The following NCOA3 variants were observed in gnomAD, a reference collection of about 807,000 sequenced individuals.
NCOA3 encodes nuclear receptor coactivator 3, also known as CBP-interacting protein.
A neutral mutation model predicts 158.8 loss-of-function variants in NCOA3; 51 were observed. That is an observed-to-expected ratio of 0.32 (90% CI 0.26 to 0.41). The LOEUF is 0.41. Ranked by LOEUF, NCOA3 falls within the 10% of genes least tolerant of loss-of-function variation. The probability of loss-of-function intolerance (pLI) is 1.00; values close to 1 mark genes in which losing one functional copy is unlikely to be tolerated. For missense variants in NCOA3, 1,510 were observed against 1,746.6 expected (o/e 0.86, Z 2.41); for synonymous variants, 537 against 592.4 (o/e 0.91, Z 1.36).
intron 2 of NCOA3, among the ~76,000 whole-genome samples, chr20:47,601,385 A>G (rs1046110924): frequency 3.3e-5 from 5 of 152,258 alleles, no homozygotes; most frequent in Admixed American, 2.6e-4. Context: ...GATAAACTAT[A>G]TTCAAACCAT....
intron 20 of NCOA3, among the ~76,000 whole-genome samples, chr20:47,652,028 A>G (rs2086803461): frequency 6.6e-6 from 1 of 152,104 alleles, no homozygotes; most frequent in African/African-American, 2.4e-5. Context: ...GGTTCCAGGA[A>G]CATGGTGGGA....
intron 16 of NCOA3, among the ~76,000 whole-genome samples, chr20:47,641,487 C>CTTTTTTTTTTTTT (rs2086608113): frequency 9.8e-6 from 1 of 101,850 alleles, no homozygotes; most frequent in African/African-American, 4.1e-5. Flanking sequence ...GCCTGGCTCC[C>CTTTTTTTTTTTTT]TTCTTTTTTT....
chr20:47,590,424 A>G (rs894706520), intron 2 of NCOA3, among the ~76,000 whole-genome samples: 1 of 152,134 alleles, frequency 6.6e-6, no homozygotes, highest in Non-Finnish European at 1.5e-5. Flanking sequence ...GGACTCAAGC[A>G]GTCCTGCCTC....
Position 47,651,070 on chromosome 20 carries a change from TGCAGCAGCA to T in NCOA3, c.3753_3761del (p.Gln1274_Gln1276del), listed in dbSNP as rs3830810. On this transcript the variant is annotated inframe_deletion, in exon 20 of 23. Coordinates refer to ENST00000371998, the MANE Select transcript of NCOA3 (RefSeq NM_181659.3). ...CGACAACAGAGGGTGGCTATGATGA[TGCAGCAGCA>T]GCAGCAGCAGCAACAGCAGCAGCAG... 164,166 of 1,579,238 alleles carry T rather than the reference TGCAGCAGCA, an allele frequency of 0.1. 6,016 individuals carry two copies. Among genetic ancestry groups the T allele is most frequent in the Non-Finnish European group, 0.11 (128,439 of 1,151,922 alleles).
chr20:47,648,805 G>A (rs2086732655), intron 18 of NCOA3, among the ~76,000 whole-genome samples, 200 bp from the exon 19 acceptor site: 1 of 152,170 alleles, frequency 6.6e-6, no homozygotes, highest in Non-Finnish European at 1.5e-5. Flanking sequence ...GTGCCAAACA[G>A]TAGCCCATCA....
intron 1 of NCOA3, among the ~76,000 whole-genome samples, chr20:47,527,951 T>G (rs182473575): frequency 6.6e-5 from 10 of 151,828 alleles, no homozygotes; most frequent in Middle Eastern, 3.4e-3. Context: ...AAAATCAGGT[T>G]GCTTTTCTGT....
chr20:47,616,558 A>G (rs973770055), intron 2 of NCOA3, among the ~76,000 whole-genome samples: 5 of 152,216 alleles, frequency 3.3e-5, no homozygotes, highest in African/African-American at 4.8e-5. Flanking sequence ...GTAGCATACA[A>G]CTTTTTTTAG....
At chr20:47,539,814 C>T (rs1193987901) in intron 1 of NCOA3, among the ~76,000 whole-genome samples, 1 of 152,142 alleles carries the variant, frequency 6.6e-6, no homozygotes, top group African/African-American at 2.4e-5. Flanking sequence ...TGTGAGCCAC[C>T]GCACCCGGCC....
intron 1 of NCOA3, among the ~76,000 whole-genome samples, chr20:47,564,184 C>T (rs909350676): frequency 8.6e-5 from 13 of 151,886 alleles, no homozygotes; most frequent in Non-Finnish European, 1.9e-4. Context: ...GCACCTTTCT[C>T]CGTTTTTTTC....
rs753862970 is a variant in NCOA3 at position 47,651,014 on chromosome 20, A to T, written c.3684A>T (p.Gln1228His). 2 of 1,614,150 alleles carry T rather than the reference A, an allele frequency of 1.2e-6. No individual in the cohort carries two copies. The highest frequency in any genetic ancestry group is 2.2e-5 in the South Asian group (2 of 91,086). The change falls in exon 20 of 23, where the codon CAA becomes CAT. Residue 1228 changes from glutamine (Q) to histidine (H), a missense_variant. Gln to His is a conservative substitution (Grantham distance 24). Around this residue, in one of 4 missense-constraint regions of NCOA3, gnomAD observed 1,017 missense variants for 1,098.3 expected, o/e 0.93. Transcript: ENST00000371998. ...TTCTTAATGCTCAAATGGTCGCCCA[A>T]CGCAGCAGAGAGCTGCTAAGTCATC... ...QGFLNAQMVA[Q>H]RSRELLSHHF...
At chr20:47,639,460 C>T (rs2086568735) in intron 14 of NCOA3, 117 bp from the exon 15 acceptor site, 2 of 1,376,244 alleles carry the variant, frequency 1.5e-6, no homozygotes, top group African/African-American at 2.9e-5. Flanking sequence ...CCTTTTCTTA[C>T]CATGACAAAG....
chr20:47,611,609 TG>T (rs2086045184), intron 2 of NCOA3, among the ~76,000 whole-genome samples: 1 of 152,092 alleles, frequency 6.6e-6, no homozygotes, highest in Admixed American at 6.6e-5. Context: ...CTGGCCAACA[TG>T]GCGAAACCCC....
At chr20:47,572,196 A>G (rs566393634) in intron 1 of NCOA3, among the ~76,000 whole-genome samples, 3 of 152,200 alleles carry the variant, frequency 2.0e-5, no homozygotes, top group African/African-American at 7.2e-5. Flanking sequence ...TTTCCAGTCC[A>G]TGAAAACATT....
At chr20:47,597,965 G>A (rs1334861204) in intron 2 of NCOA3, among the ~76,000 whole-genome samples, 1 of 151,816 alleles carries the variant, frequency 6.6e-6, no homozygotes, top group Admixed American at 6.6e-5. Context: ...CCAGGCTTCT[G>A]CCGGGCGTGG....
intron 2 of NCOA3, among the ~76,000 whole-genome samples, chr20:47,596,945 A>C (rs1002588324): frequency 5.3e-5 from 8 of 152,150 alleles, no homozygotes; most frequent in Admixed American, 4.6e-4. Flanking sequence ...TTTATTAGCT[A>C]AGTTATTTCA....
chr20:47,643,715 A>G (rs977398064), intron 17 of NCOA3, among the ~76,000 whole-genome samples: 5 of 152,108 alleles, frequency 3.3e-5, no homozygotes, highest in Admixed American at 6.5e-5. Flanking sequence ...TCCCTACTGC[A>G]TGAAATAAAA....
intron 17 of NCOA3, 140 bp downstream of exon 17, chr20:47,642,524 C>T: frequency 3.9e-6 from 2 of 511,396 alleles, no homozygotes; most frequent in Non-Finnish European, 3.1e-6. Context: ...TGGATACCAG[C>T]ATTAAATTTG....
At chr20:47,621,963 T>C (rs72645237) in intron 2 of NCOA3, among the ~76,000 whole-genome samples, 4,297 of 152,208 alleles carry the variant, frequency 0.028, 384 homozygotes, top group East Asian at 0.21. Context: ...AGGCATGAGC[T>C]ACCGCACCCT....
intron 1 of NCOA3, among the ~76,000 whole-genome samples, chr20:47,572,247 C>G (rs2085305599): frequency 6.6e-6 from 1 of 151,998 alleles, no homozygotes; most frequent in Admixed American, 6.6e-5. Flanking sequence ...TCTTGTTATT[C>G]CTGTGTTTAT....
Sources: allele counts gnomAD v4.1 joint callset (sites outside exome capture counted in the v4.1 genomes callset), GRCh38; gene constraint gnomAD v4.1.1; regional missense constraint gnomAD v4.1.1; transcripts MANE v1.5; gene names NCBI Gene and HGNC (gene_info 2026-07-23, HGNC 2026-07-21).